Variants in SNRK observed in about 807,000 individuals in gnomAD.
The protein encoded by SNRK is SNF related kinase.
SNRK carries 3 observed loss-of-function variants against 48.2 expected under a neutral mutation model. The observed-to-expected ratio is 0.06, with a 90% CI of 0.03 to 0.16. The LOEUF (loss-of-function observed/expected upper bound fraction) is 0.16, where lower values mean the gene tolerates loss of function less well. SNRK is among the 10% of genes least tolerant of loss of function. The pLI is 1.00. For synonymous variants in SNRK, 376 were observed against 366.1 expected, an observed-to-expected ratio of 1.03 and a Z score of -0.31; for missense variants, 627 against 976.0, an observed-to-expected ratio of 0.64 and a Z score of 4.76.
At chr3:43,339,816 AAAATATATATATATATATAT>A (rs1443060940) in intron 4 of SNRK, among the ~76,000 whole-genome samples, 3 of 78,292 alleles carry the variant, frequency 3.8e-5, no homozygotes, top group African/African-American at 1.5e-4. Flanking sequence ...CTCCATTTCC[AAAATATATATATATATATAT>A]ATATATATAT....
intron 5 of SNRK, among the ~76,000 whole-genome samples, chr3:43,342,781 C>T (rs965938251): frequency 6.6e-6 from 1 of 152,164 alleles, no homozygotes; most frequent in African/African-American, 2.4e-5. Context: ...TTAAACGGAT[C>T]AATGACTACA....
chr3:43,290,566 A>G (rs1203685901), intron 1 of SNRK, among the ~76,000 whole-genome samples: 1 of 152,192 alleles, frequency 6.6e-6, no homozygotes, highest in Non-Finnish European at 1.5e-5. Flanking sequence ...ATCACTGCCC[A>G]TATACCAGCT....
At position 43,349,986 on chromosome 3, in the gene SNRK, CAG is replaced by C. The variant is rs2091310834; in HGVS notation, c.*1434_*1435del. On this transcript the variant is annotated 3_prime_UTR_variant, in exon 7 of 7. Transcript: ENST00000296088. Reference sequence around the variant, plus strand: ...CTGAGACGCATCTGGTCCTGTAATTCAGAGAGTGGGCACATCACCAAAGAACT... The same window carrying C: ...CTGAGACGCATCTGGTCCTGTAATTCAGAGTGGGCACATCACCAAAGAACT... The C allele has an allele frequency of 1.3e-5, 2 of 152,166 alleles. No individual in the cohort carries two copies. The highest frequency in any genetic ancestry group is 1.3e-4 in the Admixed American group (2 of 15,278). 9.4% of individuals were successfully genotyped at this position (152,166 alleles called of 1,614,324 possible). A position where few individuals can be genotyped will look rare whatever the true frequency, so the allele number is the denominator to read the frequency against.
intron 5 of SNRK, among the ~76,000 whole-genome samples, chr3:43,342,420 T>G (rs1156849274): frequency 6.6e-6 from 1 of 152,204 alleles, no homozygotes; most frequent in Non-Finnish European, 1.5e-5. Context: ...AAGAAACTAA[T>G]AAGTCATTCT....
Position 43,340,457 on chromosome 3 carries a change from G to T in SNRK, c.902G>T (p.Arg301Leu). 1.2e-6 allele frequency: 2 copies of T among 1,614,130 alleles called. No homozygotes were observed. Among genetic ancestry groups the T allele is most frequent in the Non-Finnish European group, 1.7e-6 (2 of 1,180,026 alleles). The change falls in exon 5 of 7, where the codon CGC (arginine) becomes CTC (leucine). Residue 301 changes from arginine to leucine, a missense_variant. Physicochemically the swap from Arg to Leu is moderately radical, Grantham distance 102. Around this residue, in one of 4 missense-constraint regions of SNRK, gnomAD observed 175 missense variants for 209.7 expected, o/e 0.83. Transcript: ENST00000296088. ...GAGGAGCACAACAGCATCATTCAGCGCATGGTGCTTGGGGACATAGCGGAT... is the reference window on the plus strand; with the variant it reads ...GAGGAGCACAACAGCATCATTCAGCTCATGGTGCTTGGGGACATAGCGGAT... The part of the protein sequence containing the change: ...SEEEHNSIIQ[R>L]MVLGDIADRD...
chr3:43,343,203 T>C, intron 5 of SNRK, 141 bp from the exon 6 acceptor site: 1 of 1,173,870 alleles, frequency 8.5e-7, no homozygotes, highest in South Asian at 2.3e-5. Flanking sequence ...GTTTGGTTTT[T>C]TTCTGGTTTG....
At chr3:43,300,461 T>C (rs1464570595) in intron 2 of SNRK, among the ~76,000 whole-genome samples, 1 of 152,168 alleles carries the variant, frequency 6.6e-6, no homozygotes, top group African/African-American at 2.4e-5. Flanking sequence ...CAAAGTTATA[T>C]AACTTGGGGG....
intron 4 of SNRK, among the ~76,000 whole-genome samples, chr3:43,336,511 T>A (rs1251891974): frequency 6.6e-6 from 1 of 152,158 alleles, no homozygotes; most frequent in Non-Finnish European, 1.5e-5. Flanking sequence ...TTTAAACTTT[T>A]TGTAGAGACC....
At chr3:43,324,297 C>A (rs2091077693) in intron 3 of SNRK, among the ~76,000 whole-genome samples, 2 of 152,080 alleles carry the variant, frequency 1.3e-5, no homozygotes, top group Admixed American at 1.3e-4. Context: ...ATCACAAGGT[C>A]AGGAGTTCAA....
chr3:43,319,660 A>G (rs538303698), intron 3 of SNRK, among the ~76,000 whole-genome samples: 1 of 152,264 alleles, frequency 6.6e-6, no homozygotes, highest in South Asian at 2.1e-4. Flanking sequence ...GTGTTTGTTT[A>G]TATTTTGTCA....
intron 3 of SNRK, among the ~76,000 whole-genome samples, chr3:43,331,053 T>G (rs2091142580): frequency 6.6e-6 from 1 of 152,212 alleles, no homozygotes; most frequent in South Asian, 2.1e-4. Flanking sequence ...GGAACCTACA[T>G]TATTTTGGGT....
At chr3:43,337,015 G>A (rs569366795) in intron 4 of SNRK, among the ~76,000 whole-genome samples, 11 of 152,142 alleles carry the variant, frequency 7.2e-5, no homozygotes, top group Non-Finnish European at 1.0e-4. Flanking sequence ...GCCTCCCAAA[G>A]TGCTGGGATT....
intron 3 of SNRK, among the ~76,000 whole-genome samples, chr3:43,309,289 A>G (rs879584114): frequency 6.6e-6 from 1 of 152,208 alleles, no homozygotes; most frequent in African/African-American, 2.4e-5. Flanking sequence ...TTAGACTATT[A>G]TGTAAACTTA....
Position 43,348,575 on chromosome 3 carries a change from C to T in SNRK, c.*18C>T, listed in dbSNP as rs149444340. 6,431 of 1,514,796 alleles carry T rather than the reference C, an allele frequency of 4.2e-3. 22 individuals are homozygous for T. The highest frequency in any genetic ancestry group is 5.0e-3 in the Non-Finnish European group (5,718 of 1,135,970). The allele number at this position is 1,514,796 out of a possible 1,614,324, so 93.8% of individuals were successfully genotyped here. On this transcript the variant is annotated 3_prime_UTR_variant, in exon 7 of 7. Coordinates refer to ENST00000296088, the MANE Select transcript of SNRK (RefSeq NM_017719.5). ...TCATCTGACTGTGGCCCCATCTGGC[C>T]GCTAGCACGCTTCCTGCTCAGAGCA...
At chr3:43,292,430 A>G (rs1478618765) in intron 1 of SNRK, among the ~76,000 whole-genome samples, 1 of 152,186 alleles carries the variant, frequency 6.6e-6, no homozygotes, top group African/African-American at 2.4e-5. Context: ...TGACGCTTTG[A>G]CTAAACTTAA....
intron 1 of SNRK, among the ~76,000 whole-genome samples, chr3:43,290,647 C>T (rs1234140687): frequency 3.9e-5 from 6 of 152,326 alleles, no homozygotes; most frequent in Admixed American, 1.3e-4. Flanking sequence ...TGTCTTCTAG[C>T]TCTATTCTCG....
chr3:43,344,433 G>T (rs1168404296), intron 6 of SNRK, among the ~76,000 whole-genome samples: 4 of 152,154 alleles, frequency 2.6e-5, no homozygotes, highest in Non-Finnish European at 5.9e-5. Context: ...ATGAATATAT[G>T]TGTGTGAATA....
At chr3:43,296,430 A>ATATATATG (rs371180789) in intron 1 of SNRK, among the ~76,000 whole-genome samples, 5,425 of 146,058 alleles carry the variant, frequency 0.037, 259 homozygotes, top group African/African-American at 0.11. Context: ...ATATATATAT[A>ATATATATG]TATGTATATA....
intron 4 of SNRK, among the ~76,000 whole-genome samples, chr3:43,334,960 A>G (rs1354407032): frequency 4.4e-5 from 6 of 135,186 alleles, no homozygotes; most frequent in Non-Finnish European, 6.6e-5. Flanking sequence ...TTTAATTTCA[A>G]TAGTGATAAT....
Sources: gnomAD v4.1 joint callset for allele counts (sites outside exome capture counted in the v4.1 genomes callset) on GRCh38, gnomAD v4.1.1 for gene constraint, gnomAD v4.1.1 regional missense constraint, MANE v1.5 for transcripts, NCBI Gene and HGNC (gene_info 2026-07-23, HGNC 2026-07-21) for gene names.